Variants in CSMD1 observed in about 807,000 individuals in gnomAD.
The protein encoded by CSMD1 is CUB and sushi domain-containing protein 1.
A neutral mutation model predicts 417.5 loss-of-function variants in CSMD1; 213 were observed. That is an observed-to-expected ratio of 0.51 (90% CI 0.46 to 0.57). CSMD1 has a LOEUF of 0.57. Among genes scored for constraint, CSMD1 ranks in the 20% least tolerant of loss-of-function variants. The pLI is 0.00. For synonymous variants in CSMD1, 2,862 were observed against 1,736.8 expected (o/e 1.65, Z -16.11); for missense variants, 6,923 against 4,529.7 (o/e 1.53, Z -15.17).
intron 3 of CSMD1, among the ~76,000 whole-genome samples, chr8:4,241,055 C>T (rs930110754): frequency 6.6e-6 from 1 of 152,154 alleles, no homozygotes; most frequent in African/African-American, 2.4e-5. Context: ...AATGAAGCTA[C>T]CCCTATGGAT....
chr8:4,445,940 A>G (rs1213345600), intron 2 of CSMD1, among the ~76,000 whole-genome samples: 2 of 152,092 alleles, frequency 1.3e-5, no homozygotes, highest in African/African-American at 2.4e-5. Flanking sequence ...GTCAGAGAAA[A>G]AGTATTTCGG....
chr8:3,659,039 C>T (rs748042936), intron 7 of CSMD1, among the ~76,000 whole-genome samples: 8 of 152,114 alleles, frequency 5.3e-5, no homozygotes, highest in African/African-American at 7.2e-5. Context: ...TTAATTAACA[C>T]GGCGCCATTG....
intron 3 of CSMD1, among the ~76,000 whole-genome samples, chr8:4,403,826 T>A (rs532139169): frequency 6.6e-6 from 1 of 152,302 alleles, no homozygotes; most frequent in Non-Finnish European, 1.5e-5. Flanking sequence ...TCAAATGGCA[T>A]CTGCCATTGG....
intron 3 of CSMD1, among the ~76,000 whole-genome samples, chr8:4,150,077 A>G (rs1192822496): frequency 6.6e-6 from 1 of 152,232 alleles, no homozygotes; most frequent in Non-Finnish European, 1.5e-5. Flanking sequence ...TAATGTAAGT[A>G]AAATGAACTC....
chr8:4,285,323 T>A (rs1188521566), intron 3 of CSMD1, among the ~76,000 whole-genome samples: 2 of 152,188 alleles, frequency 1.3e-5, no homozygotes, highest in Non-Finnish European at 2.9e-5. Flanking sequence ...GTGCAGTCCT[T>A]TACTTTATAT....
At chr8:3,188,621 T>C (rs1029157147) in intron 35 of CSMD1, among the ~76,000 whole-genome samples, 1 of 152,130 alleles carries the variant, frequency 6.6e-6, no homozygotes, top group Non-Finnish European at 1.5e-5. Context: ...GAACAATTTC[T>C]ACAAATGGTA....
At chr8:3,997,665 C>A (rs778931554) in intron 5 of CSMD1, among the ~76,000 whole-genome samples, 12 of 152,154 alleles carry the variant, frequency 7.9e-5, no homozygotes, top group Non-Finnish European at 1.5e-4. Context: ...GACAGCACTA[C>A]AAGTTCAAGC....
chr8:4,099,025 A>T (rs1024895122), intron 3 of CSMD1, among the ~76,000 whole-genome samples: 3 of 152,206 alleles, frequency 2.0e-5, no homozygotes, highest in African/African-American at 7.2e-5. Context: ...CAGCTGAATT[A>T]ATAACAAATG....
intron 3 of CSMD1, among the ~76,000 whole-genome samples, chr8:4,358,568 A>C (rs1269128001): frequency 6.6e-6 from 1 of 152,194 alleles, no homozygotes; most frequent in African/African-American, 2.4e-5. Context: ...AATATTTACT[A>C]TCTGGCCATT....
chr8:4,651,969 G>T (rs374243529), intron 1 of CSMD1, among the ~76,000 whole-genome samples: 2 of 152,126 alleles, frequency 1.3e-5, no homozygotes, highest in African/African-American at 4.8e-5. Context: ...TCTGGGTCTA[G>T]CTCCCTAAGT....
intron 3 of CSMD1, among the ~76,000 whole-genome samples, chr8:4,186,019 A>C (rs1284704845): frequency 6.6e-6 from 1 of 152,148 alleles, no homozygotes; most frequent in Non-Finnish European, 1.5e-5. Context: ...GATACATACA[A>C]ATCCCTAGGT....
intron 3 of CSMD1, among the ~76,000 whole-genome samples, chr8:4,296,262 A>C (rs930060032): frequency 5.9e-5 from 9 of 152,076 alleles, no homozygotes; most frequent in Non-Finnish European, 1.2e-4. Flanking sequence ...AGTTTATAGC[A>C]CCAGAATTCA....
In CSMD1 at chr8:4,449,701, G is replaced by A. The variant is rs73660850; in HGVS notation, c.303-29636C>T. 3.2e-3 allele frequency among the ~76,000 whole-genome samples: 489 copies of A among 152,188 alleles called. 3 individuals carry two copies. The highest frequency in any genetic ancestry group is 0.011 in the African/African-American group (466 of 41,524). On this transcript the variant is annotated intron_variant, in intron 2 of 69. Transcript: ENST00000635120. The stretch of plus-strand genomic sequence containing the variant: ...GGGATGGGAAGAGAGGGAGAGAGAG[G>A]GAGTATGGGGAAGAAATGCCAGAAT...
In CSMD1 at chr8:3,687,186, G is replaced by A. The variant is rs1424221561; in HGVS notation, c.1009+21228C>T. ...TGAACGCACCTCCGTGCAGCTCATAGGAAGGCAACCTTCCATCTTGGTTTG... is the reference window on the plus strand; with the variant it reads ...TGAACGCACCTCCGTGCAGCTCATAAGAAGGCAACCTTCCATCTTGGTTTG... On this transcript the variant is annotated intron_variant, in intron 7 of 69. Coordinates refer to ENST00000635120, the MANE Select transcript of CSMD1 (RefSeq NM_033225.6). Among the ~76,000 whole-genome samples the A allele has an allele frequency of 2.6e-5, 4 of 152,356 alleles. No homozygotes were observed. The East Asian group carries it at 7.7e-4, about 29-fold the overall frequency.
intron 7 of CSMD1, among the ~76,000 whole-genome samples, chr8:3,635,812 A>AAAAGAAAG (rs1554495062): frequency 6.1e-4 from 72 of 117,634 alleles, no homozygotes; most frequent in South Asian, 1.1e-3. Flanking sequence ...AAAAAAAAAA[A>AAAAGAAAG]AAAGAAAGAA....
intron 25 of CSMD1, among the ~76,000 whole-genome samples, chr8:3,289,646 A>G (rs375714506): frequency 6.9e-6 from 1 of 144,468 alleles, no homozygotes; most frequent in African/African-American, 2.9e-5. Flanking sequence ...GTCTGTTCAT[A>G]TCCTTTGCCC....
chr8:3,679,682 G>C (rs1799553898), intron 7 of CSMD1, among the ~76,000 whole-genome samples: 1 of 152,152 alleles, frequency 6.6e-6, no homozygotes, highest in Non-Finnish European at 1.5e-5. Flanking sequence ...GCACCAAGCA[G>C]ACCTAATAGA....
At chr8:3,325,648 A>C (rs555025461) in intron 23 of CSMD1, among the ~76,000 whole-genome samples, 20 of 152,000 alleles carry the variant, frequency 1.3e-4, no homozygotes, top group South Asian at 4.2e-4. Context: ...GCGTGGTGAA[A>C]CCCCGTCTCT....
intron 7 of CSMD1, among the ~76,000 whole-genome samples, chr8:3,634,623 T>C (rs1228719214): frequency 6.6e-6 from 1 of 152,114 alleles, no homozygotes; most frequent in African/African-American, 2.4e-5. Flanking sequence ...CAGCCTTCTA[T>C]CAAATTACTT....
Sources: allele counts gnomAD v4.1 joint callset (sites outside exome capture counted in the v4.1 genomes callset), GRCh38; gene constraint gnomAD v4.1.1; transcripts MANE v1.5; gene names NCBI Gene and HGNC (gene_info 2026-07-23, HGNC 2026-07-21).